The following ARFGAP1 variants were observed in gnomAD, a reference collection of about 807,000 sequenced individuals.
The protein encoded by ARFGAP1 is ADP-ribosylation factor GTPase-activating protein 1.
In ARFGAP1, 26 loss-of-function variants were observed where a neutral mutation model predicts 54.0. That is an observed-to-expected ratio of 0.48 (90% CI 0.35 to 0.67). The LOEUF (loss-of-function observed/expected upper bound fraction) is 0.67. Among genes scored for constraint, ARFGAP1 ranks in the 30% least tolerant of loss-of-function variants. The pLI, the probability that ARFGAP1 is intolerant of heterozygous loss-of-function variation, is 0.00. For synonymous variants in ARFGAP1, 248 were observed against 211.9 expected (o/e 1.17, Z -1.48); for missense variants, 525 against 535.8 (o/e 0.98, Z 0.20).
Position 63,276,198 on chromosome 20 carries a change from C to T in ARFGAP1, c.168C>T (p.Leu56=), listed in dbSNP as rs1418684347. ...GACACCGCGGGCTTGGGGTTCACCT[C>T]AGGTCAGTGTCCTGCCGCTCTGGCT... is the stretch of plus-strand genomic sequence containing the variant. ...SGRHRGLGVH[L]SFVRSVTMDK... Residue 56 remains leucine (L), a splice_region_variant and synonymous_variant, in exon 3 of 13, where the codon CTC becomes CTT. Transcript: ENST00000370283. This position sits in a 1 kb window ranked among gnomAD's most constrained non-coding sequence, Gnocchi z 5.2. 1 of 1,613,424 alleles carries T rather than the reference C, an allele frequency of 6.2e-7. No individual in the cohort carries two copies. Among genetic ancestry groups the T allele is most frequent in the Non-Finnish European group, 8.5e-7 (1 of 1,179,966 alleles).
intron 9 of ARFGAP1, chr20:63,283,222 A>G (rs1309850160): frequency 2.1e-5 from 7 of 340,302 alleles, no homozygotes; most frequent in Admixed American, 9.0e-5. Context: ...CCTGCGGCAC[A>G]CTGGACGCGT....
intron 1 of ARFGAP1, among the ~76,000 whole-genome samples, chr20:63,273,788 G>C (rs1208943262): frequency 6.6e-6 from 1 of 152,218 alleles, no homozygotes; most frequent in African/African-American, 2.4e-5. Context: ...AAAGAGTACA[G>C]GACCGAGTAT....
At chr20:63,283,959 G>T (rs1006709370) in intron 9 of ARFGAP1, 2 of 1,592,246 alleles carry the variant, frequency 1.3e-6, no homozygotes, top group Non-Finnish European at 1.7e-6. Context: ...CCTCCTGCGT[G>T]CTGCCACTGT....
chr20:63,278,586 A>C, intron 6 of ARFGAP1: 1 of 475,706 alleles, frequency 2.1e-6, no homozygotes, highest in East Asian at 3.8e-5. Context: ...TCTGCGTGGA[A>C]TCTGCTGGAC....
chr20:63,288,249 A>G lies in ARFGAP1; in HGVS notation c.*376A>G. On this transcript the variant is annotated 3_prime_UTR_variant, in exon 13 of 13. Coordinates refer to ENST00000370283, the MANE Select transcript of ARFGAP1 (RefSeq NM_018209.4). Reference sequence around the variant, plus strand: ...GGGGCCTGGGACCAGCCACGTGCCGAGCTGTCAGCGACGTGAGGTGTCCCT... The same window carrying G: ...GGGGCCTGGGACCAGCCACGTGCCGGGCTGTCAGCGACGTGAGGTGTCCCT... The G allele has an allele frequency of 1.9e-6, 1 of 535,750 alleles. No homozygotes were observed. Among genetic ancestry groups the G allele is most frequent in the Non-Finnish European group, 3.6e-6 (1 of 277,950 alleles). The allele number at this position is 535,750 out of a possible 1,614,324, so 33.2% of individuals were successfully genotyped here.
In ARFGAP1 at chr20:63,287,730, A is replaced by C. The variant is rs2067598976; in HGVS notation, c.1078A>C (p.Ser360Arg). The C allele has an allele frequency of 6.2e-7, 1 of 1,610,474 alleles. No homozygotes were observed. Among genetic ancestry groups the C allele is most frequent in the African/African-American group, 1.3e-5 (1 of 74,534 alleles). Residue 360 changes from serine to arginine, a missense_variant, in exon 13 of 13, where the codon AGC becomes CGC. Around this residue, in one of 3 missense-constraint regions of ARFGAP1, gnomAD observed 466 missense variants for 453.6 expected, o/e 1.03. Coordinates refer to ENST00000370283, the MANE Select transcript of ARFGAP1 (RefSeq NM_018209.4). ...CGCGGACACCTCCACCGAGAGGAGG[A>C]GCTCGGACAGCTGGGAGGTGTGGGG... ...TCADTSTERR[S>R]SDSWEVWGSA...
intron 9 of ARFGAP1, chr20:63,284,153 A>G (rs1340081213): frequency 1.5e-6 from 2 of 1,303,452 alleles, no homozygotes; most frequent in Non-Finnish European, 1.9e-6. Context: ...CAGACCCCCA[A>G]CGCAGGCCTG....
chr20:63,279,137 C>A, intron 7 of ARFGAP1, 142 bp downstream of exon 7: 2 of 838,870 alleles, frequency 2.4e-6, no homozygotes, highest in Non-Finnish European at 3.9e-6. Context: ...TTACCTTCAG[C>A]GACGTTTTCT....
rs200083303 is a variant in ARFGAP1, at chr20:63,278,177, G to A, written c.504G>A (p.Leu168=). The change falls in exon 6 of 13, where the codon CTG becomes CTA. Residue 168 remains leucine (L), a synonymous_variant. Coordinates refer to ENST00000370283, the MANE Select transcript of ARFGAP1 (RefSeq NM_018209.4). The part of the protein sequence containing the change: ...ASSDKAFEDW[L]NDDLGSYQGA... ...CGGACAAGGCTTTTGAAGACTGGCT[G>A]AATGATGACCTCGGCTCCTATCAAG... The A allele has an allele frequency of 1.2e-5, 20 of 1,613,662 alleles. No homozygotes were observed. Among genetic ancestry groups the A allele is most frequent in the African/African-American group, 6.7e-5 (5 of 75,076 alleles).
chr20:63,281,973 T>A (rs1488357959), intron 8 of ARFGAP1, among the ~76,000 whole-genome samples: 1 of 152,096 alleles, frequency 6.6e-6, no homozygotes, highest in Non-Finnish European at 1.5e-5. Flanking sequence ...GGGGCTCTTG[T>A]GAGTGGAAGT....
At chr20:63,273,614 G>T (rs993371894) in intron 1 of ARFGAP1, 1 of 152,186 alleles carries the variant, frequency 6.6e-6, no homozygotes, top group Non-Finnish European at 1.5e-5. Flanking sequence ...TTAAATCCAA[G>T]CCAAGTCCTT....
Position 63,287,972 on chromosome 20 carries a change from A to C in ARFGAP1, c.*99A>C. The C allele has an allele frequency of 7.6e-7, 1 of 1,319,824 alleles. No homozygotes were observed. The highest frequency in any genetic ancestry group is 1.0e-6 in the Non-Finnish European group (1 of 989,842). The allele number at this position is 1,319,824 out of a possible 1,614,324, so 81.8% of individuals were successfully genotyped here. On this transcript the variant is annotated 3_prime_UTR_variant, in exon 13 of 13. Transcript: ENST00000370283. The stretch of plus-strand genomic sequence containing the variant: ...CTTCCATTTGACCCAAGAATCAGCA[A>C]CTGCAGTGTGAGGACAGCGTCTCGG...
intron 5 of ARFGAP1, 26 bp from the exon 6 acceptor site, chr20:63,278,091 T>C: frequency 1.2e-6 from 2 of 1,612,332 alleles, no homozygotes; most frequent in Non-Finnish European, 1.7e-6. Flanking sequence ...GTTTTGGCCT[T>C]ACCAGCCTTC....
At chr20:63,282,610 C>T (rs774754389) in intron 8 of ARFGAP1, among the ~76,000 whole-genome samples, 2 of 152,238 alleles carry the variant, frequency 1.3e-5, no homozygotes, top group African/African-American at 2.4e-5. Flanking sequence ...CCGAGCTGGC[C>T]TCCCTCTAGG....
Position 63,278,192 on chromosome 20 carries a change from C to T in ARFGAP1, c.519C>T (p.Gly173=), listed in dbSNP as rs549476599. The change falls in exon 6 of 13, where the codon GGC becomes GGT. Residue 173 remains glycine (G), a synonymous_variant. Transcript: ENST00000370283. ...AFEDWLNDDL[G]SYQGAQGNRY... ...AAGACTGGCTGAATGATGACCTCGG[C>T]TCCTATCAAGGGTAAGGACTTGAGA... is the stretch of plus-strand genomic sequence containing the variant. The T allele has an allele frequency of 1.6e-5, 26 of 1,613,390 alleles. No individual in the cohort carries two copies. In the South Asian group the frequency reaches 2.7e-4, roughly 17 times the overall value.
At chr20:63,278,095 A>G in intron 5 of ARFGAP1, 22 bp from the exon 6 acceptor site, 2 of 1,612,888 alleles carry the variant, frequency 1.2e-6, no homozygotes, top group Non-Finnish European at 1.7e-6. Flanking sequence ...TGGCCTTACC[A>G]GCCTTCGATT....
At chr20:63,278,575 T>G in intron 6 of ARFGAP1, 1 of 468,628 alleles carries the variant, frequency 2.1e-6, no homozygotes, top group South Asian at 2.5e-5. Flanking sequence ...ATAACACATT[T>G]TCTGCGTGGA....
chr20:63,287,494 G>A (rs1204569323), intron 12 of ARFGAP1, 70 bp from the exon 13 acceptor site: 8 of 1,445,532 alleles, frequency 5.5e-6, no homozygotes, highest in East Asian at 2.3e-5. Flanking sequence ...CAGAGCTCTC[G>A]GGGGCACAGA....
chr20:63,278,775 C>G, intron 6 of ARFGAP1, 124 bp from the exon 7 acceptor site: 1 of 799,982 alleles, frequency 1.3e-6, no homozygotes, highest in East Asian at 2.6e-5. Flanking sequence ...CGTGCATGTC[C>G]TGTGCGTGGG....
Sources: gnomAD v4.1 joint callset for allele counts (sites outside exome capture counted in the v4.1 genomes callset) on GRCh38, gnomAD v4.1.1 for gene constraint, gnomAD v4.1.1 regional missense constraint, Gnocchi (gnomAD v3.1) non-coding constraint, MANE v1.5 for transcripts, NCBI Gene and HGNC (gene_info 2026-07-23, HGNC 2026-07-21) for gene names.